ZNF331: variants seen among roughly 807,000 people sequenced by gnomAD.
The protein encoded by ZNF331 is zinc finger protein 331, also known as C2H2-like zinc finger protein rearranged in thyroid adenomas.
Under a neutral mutation model 7.0 loss-of-function variants are expected in ZNF331, and 2 were observed. The observed-to-expected ratio is 0.29, with a 90% CI of 0.12 to 0.90. The LOEUF is 0.90. Among genes scored for constraint, ZNF331 ranks in the 40% least tolerant of loss-of-function variants. ZNF331 has a pLI of 0.58. For synonymous variants in ZNF331, 196 were observed against 205.4 expected (o/e 0.95, Z 0.39); for missense variants, 432 against 587.7 (o/e 0.74, Z 2.74).
At chr19:53,531,588 C>G (rs1364049564) in intron 2 of ZNF331, among the ~76,000 whole-genome samples, 1 of 152,208 alleles carries the variant, frequency 6.6e-6, no homozygotes, top group Admixed American at 6.5e-5. Flanking sequence ...TTTCATATCA[C>G]AGCCAGAAAG....
chr19:53,565,301 C>T (rs780708733), intron 3 of ZNF331, among the ~76,000 whole-genome samples: 1 of 152,176 alleles, frequency 6.6e-6, no homozygotes, highest in South Asian at 2.1e-4. Flanking sequence ...AATATACTGA[C>T]TCTTTGTTGG....
intron 1 of ZNF331, chr19:53,538,555 C>G (rs1568473234): frequency 1.3e-5 from 2 of 152,998 alleles, no homozygotes; most frequent in African/African-American, 4.8e-5. Context: ...ACGGATGCAC[C>G]TCTGCACCGT....
upstream of ZNF331, among the ~76,000 whole-genome samples, chr19:53,536,759 C>T (rs577572717): frequency 7.2e-4 from 110 of 152,244 alleles, no homozygotes; most frequent in Non-Finnish European, 1.4e-3. Context: ...AAAAATTAGC[C>T]GGGCGTGGTA....
chr19:53,577,345 A>G lies in ZNF331; in HGVS notation c.785A>G (p.Lys262Arg), dbSNP rs760813239. 2 of 1,614,028 alleles carry G rather than the reference A, an allele frequency of 1.2e-6. No individual in the cohort carries two copies. Among genetic ancestry groups the G allele is most frequent in the South Asian group, 1.1e-5 (1 of 91,080 alleles). ...FSRVYKLIQH[K>R]RIHSGEKPYE... ...CGTGTGTATAAACTTATTCAGCACAAGAGAATTCATAGTGGGGAGAAGCCT... is the reference window on the plus strand; with the variant it reads ...CGTGTGTATAAACTTATTCAGCACAGGAGAATTCATAGTGGGGAGAAGCCT... Residue 262 changes from lysine to arginine, a missense_variant, in exon 6 of 6, where the codon AAG becomes AGG. Physicochemically the swap from Lys to Arg is conservative, Grantham distance 26. Coordinates refer to ENST00000449416, the MANE Select transcript of ZNF331 (RefSeq NM_001079906.2).
At chr19:53,511,005 A>C in the ZNF331 span, among the ~76,000 whole-genome samples, 1 of 152,162 alleles carries the variant, frequency 6.6e-6, no homozygotes, top group African/African-American at 2.4e-5. Context: ...AGGCCATGTC[A>C]TGGGTTCAAA....
upstream of ZNF331, among the ~76,000 whole-genome samples, chr19:53,533,859 A>G (rs1297851658): frequency 2.0e-5 from 3 of 152,210 alleles, no homozygotes; most frequent in East Asian, 5.8e-4. Flanking sequence ...AAAACTCCAC[A>G]TTTAACTTTT....
chr19:53,562,383 C>T (rs1011129553), intron 3 of ZNF331, among the ~76,000 whole-genome samples: 1 of 151,962 alleles, frequency 6.6e-6, no homozygotes, highest in African/African-American at 2.4e-5. Context: ...ATGTATCTTC[C>T]ATTTCACATA....
intron 2 of ZNF331, among the ~76,000 whole-genome samples, chr19:53,548,495 A>G (rs1012837909): frequency 6.6e-6 from 1 of 151,968 alleles, no homozygotes; most frequent in Non-Finnish European, 1.5e-5. Flanking sequence ...GGGCTCAAGC[A>G]GTCCTCCCAT....
At chr19:53,556,078 A>G (rs1193028280) in intron 3 of ZNF331, among the ~76,000 whole-genome samples, 170 bp downstream of exon 3, 1 of 151,894 alleles carries the variant, frequency 6.6e-6, no homozygotes, top group African/African-American at 2.4e-5. Flanking sequence ...CCCCGTCTCT[A>G]CTAAAAATAC....
chr19:53,567,902 TG>T (rs1724637170), intron 3 of ZNF331, among the ~76,000 whole-genome samples: 1 of 151,502 alleles, frequency 6.6e-6, no homozygotes, highest in South Asian at 2.1e-4. Context: ...AGAGATGTTA[TG>T]CTCATGGTTA....
At chr19:53,523,003 T>C (rs1001624323) in intron 2 of ZNF331, among the ~76,000 whole-genome samples, 5 of 152,184 alleles carry the variant, frequency 3.3e-5, no homozygotes, top group African/African-American at 1.2e-4. Flanking sequence ...TTGTTTATTT[T>C]TTATTATTGT....
intron 2 of ZNF331, among the ~76,000 whole-genome samples, chr19:53,547,128 T>C (rs2088667199): frequency 6.6e-6 from 1 of 152,196 alleles, no homozygotes; most frequent in Non-Finnish European, 1.5e-5. Flanking sequence ...TATTATTCAT[T>C]ATATTTAGTC....
At chr19:53,563,430 A>C (rs1238041960) in intron 3 of ZNF331, among the ~76,000 whole-genome samples, 1 of 152,082 alleles carries the variant, frequency 6.6e-6, no homozygotes, top group African/African-American at 2.4e-5. Context: ...TTCTCTACTT[A>C]CTGGTGGAGA....
the ZNF331 span, among the ~76,000 whole-genome samples, chr19:53,506,428 C>T: frequency 2.9e-4 from 28 of 96,906 alleles, no homozygotes; most frequent in East Asian, 7.8e-3. Context: ...CTCTCTCTCT[C>T]TCTCTCTCTC....
the ZNF331 span, among the ~76,000 whole-genome samples, chr19:53,504,543 G>T: frequency 3.9e-5 from 6 of 152,090 alleles, no homozygotes; most frequent in Admixed American, 1.3e-4. Flanking sequence ...AAACGTAAAC[G>T]TTATAAGAAA....
intron 3 of ZNF331, 56 bp from the exon 4 acceptor site, chr19:53,569,248 A>T: frequency 2.2e-6 from 2 of 926,324 alleles, no homozygotes; most frequent in East Asian, 4.8e-5. Flanking sequence ...GTCATATTAC[A>T]TCACTATGGG....
chr19:53,551,532 T>TC, intron 2 of ZNF331, among the ~76,000 whole-genome samples: 1 of 151,962 alleles, frequency 6.6e-6, no homozygotes, highest in South Asian at 2.1e-4. Context: ...TTACACCTTA[T>TC]AGGAGTAGAG....
chr19:53,561,049 T>G (rs2089851471), intron 3 of ZNF331, among the ~76,000 whole-genome samples: 1 of 152,082 alleles, frequency 6.6e-6, no homozygotes, highest in South Asian at 2.1e-4. Context: ...TCCCAGCTAC[T>G]AGGGACGCTG....
chr19:53,536,872 G>C (rs1465977958), upstream of ZNF331, among the ~76,000 whole-genome samples: 1 of 152,142 alleles, frequency 6.6e-6, no homozygotes, highest in Non-Finnish European at 1.5e-5. Context: ...CATTGCACTT[G>C]AGCCTGGGCA....
Sources: allele counts gnomAD v4.1 joint callset (sites outside exome capture counted in the v4.1 genomes callset), GRCh38; gene constraint gnomAD v4.1.1; transcripts MANE v1.5; gene names NCBI Gene and HGNC (gene_info 2026-07-23, HGNC 2026-07-21).